The following FCHSD2 variants were observed in gnomAD, a reference collection of about 807,000 sequenced individuals.
FCHSD2 encodes FCH and double SH3 domains 2.
In FCHSD2, 38 loss-of-function variants were observed where a neutral mutation model predicts 108.1. The ratio of observed to expected loss-of-function variants is 0.35; its 90% confidence interval spans 0.27 to 0.46. The LOEUF is 0.46. FCHSD2 is among the 20% of genes least tolerant of loss of function. The pLI, the probability that FCHSD2 is intolerant of heterozygous loss-of-function variation, is 1.00. For synonymous variants in FCHSD2, 279 were observed against 314.7 expected (o/e 0.89, Z 1.20); for missense variants, 751 against 897.8 (o/e 0.84, Z 2.09).
At chr11:73,046,940 T>G (rs1858782910) in intron 3 of FCHSD2, among the ~76,000 whole-genome samples, 1 of 152,172 alleles carries the variant, frequency 6.6e-6, no homozygotes, top group African/African-American at 2.4e-5. Context: ...ATGTGGATGT[T>G]AAATAATTTA....
intron 8 of FCHSD2, among the ~76,000 whole-genome samples, chr11:72,966,920 C>T (rs1254557217): frequency 3.9e-5 from 6 of 152,036 alleles, no homozygotes; most frequent in Admixed American, 1.3e-4. Flanking sequence ...AGAAAGTGGC[C>T]GGGCGCGGTG....
chr11:73,091,750 C>T (rs1466667688), intron 2 of FCHSD2, among the ~76,000 whole-genome samples: 1 of 151,484 alleles, frequency 6.6e-6, no homozygotes, highest in African/African-American at 2.4e-5. Context: ...TCTTTAAAAC[C>T]TAGCTGATGC....
intron 13 of FCHSD2, among the ~76,000 whole-genome samples, chr11:72,861,560 C>A (rs185925219): frequency 4.6e-4 from 70 of 152,214 alleles, no homozygotes; most frequent in African/African-American, 1.6e-3. Context: ...CAAAACCAGA[C>A]AAGAATACTA....
In FCHSD2 at chr11:73,140,015, T is replaced by C. The variant is rs780999886; in HGVS notation, c.119+16A>G. ...CAGACAAACAGAAGTCCTTGAACTA[T>C]TTACTATAGCCTTACCTCATATCTT... On this transcript the variant is annotated intron_variant, in intron 2 of 19. Transcript: ENST00000409418. 2.1e-6 allele frequency: 3 copies of C among 1,432,092 alleles called. No homozygotes were observed. The highest frequency in any genetic ancestry group is 1.8e-4 in the Middle Eastern group (1 of 5,666). 88.7% of individuals were successfully genotyped at this position (1,432,092 alleles called of 1,614,324 possible).
chr11:73,055,764 C>A (rs1859010960), intron 3 of FCHSD2, among the ~76,000 whole-genome samples: 1 of 152,080 alleles, frequency 6.6e-6, no homozygotes, highest in African/African-American at 2.4e-5. Context: ...TTTAAGAATA[C>A]TGAAGTCCAA....
At chr11:73,135,846 A>C (rs1861108416) in intron 2 of FCHSD2, among the ~76,000 whole-genome samples, 1 of 152,238 alleles carries the variant, frequency 6.6e-6, no homozygotes, top group African/African-American at 2.4e-5. Context: ...TCCCCTCGAA[A>C]TTCCAAAAGA....
chr11:73,128,211 G>A (rs930686595), intron 2 of FCHSD2, among the ~76,000 whole-genome samples: 18 of 152,158 alleles, frequency 1.2e-4, no homozygotes, highest in African/African-American at 3.1e-4. Flanking sequence ...AATTTCTATG[G>A]AGTCTCTAAT....
intron 3 of FCHSD2, among the ~76,000 whole-genome samples, chr11:73,081,327 G>A (rs1312460925): frequency 3.3e-5 from 5 of 151,964 alleles, no homozygotes; most frequent in African/African-American, 7.3e-5. Flanking sequence ...CCAGCTATTC[G>A]GGAGGATGAG....
chr11:73,040,634 C>A (rs1483035077), intron 3 of FCHSD2, among the ~76,000 whole-genome samples: 1 of 152,250 alleles, frequency 6.6e-6, no homozygotes, highest in Admixed American at 6.5e-5. Flanking sequence ...AAGGGGCACA[C>A]ATGATATTTT....
At chr11:73,036,705 T>C (rs1311495824) in intron 3 of FCHSD2, among the ~76,000 whole-genome samples, 1 of 152,234 alleles carries the variant, frequency 6.6e-6, no homozygotes, top group Non-Finnish European at 1.5e-5. Context: ...TGTGTATTTA[T>C]TCATCCGTGT....
intron 8 of FCHSD2, among the ~76,000 whole-genome samples, chr11:72,971,185 A>G (rs959469450): frequency 6.6e-6 from 1 of 152,202 alleles, no homozygotes; most frequent in African/African-American, 2.4e-5. Context: ...TCAAAATATA[A>G]AAATCAATCA....
At chr11:72,960,434 T>C (rs1183095838) in intron 8 of FCHSD2, among the ~76,000 whole-genome samples, 1 of 152,186 alleles carries the variant, frequency 6.6e-6, no homozygotes, top group African/African-American at 2.4e-5. Flanking sequence ...TTTAAATGGA[T>C]TCAAAGGCAG....
At chr11:73,111,189 G>A (rs751576199) in intron 2 of FCHSD2, among the ~76,000 whole-genome samples, 8 of 152,000 alleles carry the variant, frequency 5.3e-5, no homozygotes, top group Admixed American at 2.0e-4. Context: ...AGGTCCATTC[G>A]GTCTATAGTA....
chr11:73,034,012 C>A (rs544199323), intron 3 of FCHSD2, among the ~76,000 whole-genome samples: 58 of 152,208 alleles, frequency 3.8e-4, no homozygotes, highest in Non-Finnish European at 4.4e-4. Flanking sequence ...AATTTTAATA[C>A]CGATAGCAAA....
chr11:73,037,039 T>G (rs1252802209), intron 3 of FCHSD2, among the ~76,000 whole-genome samples: 1 of 152,252 alleles, frequency 6.6e-6, no homozygotes, highest in Non-Finnish European at 1.5e-5. Flanking sequence ...CATATGACTT[T>G]GAGCATATTC....
chr11:72,940,686 G>T, intron 8 of FCHSD2: 1 of 1,135,312 alleles, frequency 8.8e-7, no homozygotes, highest in South Asian at 1.2e-5. Flanking sequence ...TTATATATAG[G>T]ATTCATGTTC....
At chr11:73,064,674 T>C (rs966972172) in intron 3 of FCHSD2, among the ~76,000 whole-genome samples, 2 of 152,156 alleles carry the variant, frequency 1.3e-5, no homozygotes, top group African/African-American at 2.4e-5. Context: ...GATATTCTTA[T>C]ATCACCACTG....
chr11:72,858,154 C>G (rs1316033975), intron 13 of FCHSD2, among the ~76,000 whole-genome samples: 3 of 152,176 alleles, frequency 2.0e-5, no homozygotes, highest in African/African-American at 4.8e-5. Context: ...ATACCTAATA[C>G]AGAGGAAGAC....
intron 3 of FCHSD2, among the ~76,000 whole-genome samples, chr11:73,066,794 C>T (rs577597121): frequency 3.9e-5 from 6 of 152,134 alleles, no homozygotes; most frequent in Non-Finnish European, 5.9e-5. Flanking sequence ...TATTATCTCA[C>T]GCCAGTTAGA....
Sources: allele counts gnomAD v4.1 joint callset (sites outside exome capture counted in the v4.1 genomes callset), GRCh38; gene constraint gnomAD v4.1.1; transcripts MANE v1.5; gene names NCBI Gene and HGNC (gene_info 2026-07-23, HGNC 2026-07-21).